The following DLGAP2 variants were observed in gnomAD, a reference collection of about 807,000 sequenced individuals.
The protein encoded by DLGAP2 is disks large-associated protein 2.
In DLGAP2, 26 loss-of-function variants were observed where a neutral mutation model predicts 100.3. That is an observed-to-expected ratio of 0.26 (90% CI 0.19 to 0.36). The LOEUF (loss-of-function observed/expected upper bound fraction) is 0.36, where lower values mean the gene tolerates loss of function less well. DLGAP2 is among the 10% of genes least tolerant of loss of function. DLGAP2 has a pLI of 1.00. For missense variants in DLGAP2, 1,858 were observed against 1,453.2 expected (o/e 1.28, Z -4.53); for synonymous variants, 886 against 630.1 (o/e 1.41, Z -6.08).
intron 3 of DLGAP2, among the ~76,000 whole-genome samples, chr8:1,465,057 A>G (rs534345603): frequency 5.1e-4 from 77 of 152,350 alleles, no homozygotes; most frequent in African/African-American, 1.9e-3. Flanking sequence ...CCAGCTCTGC[A>G]GGGGTCACCA....
intron 10 of DLGAP2, among the ~76,000 whole-genome samples, chr8:1,675,340 C>G (rs1189539028): frequency 6.6e-6 from 1 of 152,254 alleles, no homozygotes; most frequent in African/African-American, 2.4e-5. Flanking sequence ...AAGTCACCCC[C>G]CTCCTCTGAT....
intron 1 of DLGAP2, among the ~76,000 whole-genome samples, chr8:892,502 C>G (rs1295070425): frequency 6.6e-6 from 1 of 152,154 alleles, no homozygotes; most frequent in Non-Finnish European, 1.5e-5. Flanking sequence ...GCTGCAGATT[C>G]ATAGAGGCAG....
chr8:1,351,729 G>C (rs1273920711), intron 3 of DLGAP2, among the ~76,000 whole-genome samples: 1 of 70,532 alleles, frequency 1.4e-5, no homozygotes. Flanking sequence ...TCCTGAGTGT[G>C]TGTGGAAAGG....
chr8:1,487,409 A>C (rs2130267826), intron 3 of DLGAP2, among the ~76,000 whole-genome samples: 1 of 152,354 alleles, frequency 6.6e-6, no homozygotes, highest in Middle Eastern at 3.4e-3. Flanking sequence ...GCTTTCATTT[A>C]GAAAATGAGA....
chr8:1,373,329 C>G (rs1802295878), intron 3 of DLGAP2, among the ~76,000 whole-genome samples: 1 of 151,842 alleles, frequency 6.6e-6, no homozygotes, highest in Admixed American at 6.6e-5. Context: ...CGGGCGGGCC[C>G]TTCCGGAGGC....
At chr8:751,916 A>T (rs558722044) in intron 1 of DLGAP2, among the ~76,000 whole-genome samples, 3 of 150,598 alleles carry the variant, frequency 2.0e-5, no homozygotes, top group African/African-American at 5.0e-5. Context: ...GTAAGTCCTT[A>T]TAGGAAGTTC....
At chr8:1,660,557 G>A (rs908158992) in intron 8 of DLGAP2, among the ~76,000 whole-genome samples, 2 of 152,146 alleles carry the variant, frequency 1.3e-5, no homozygotes, top group African/African-American at 4.8e-5. Context: ...CTGCATACCT[G>A]GAAGTTTTTA....
At chr8:1,678,747 A>G (rs1455662622) in intron 12 of DLGAP2, 118 bp downstream of exon 12, 2 of 1,160,548 alleles carry the variant, frequency 1.7e-6, no homozygotes. Flanking sequence ...GAAGGGAAAT[A>G]AATGTGCTTT....
Position 1,534,931 on chromosome 8 carries a change from A to G in DLGAP2, c.173-13695A>G, listed in dbSNP as rs557001021. The stretch of plus-strand genomic sequence containing the variant: ...CTAAATATTAGCTGAGATTGTGTTG[A>G]ATGGATGAAATCTTCTTGGCCAGCT... On this transcript the variant is annotated intron_variant, in intron 4 of 14. Coordinates refer to ENST00000637795, the MANE Select transcript of DLGAP2 (RefSeq NM_001346810.2). Among the ~76,000 whole-genome samples, 6 of 152,394 alleles carry G rather than the reference A, an allele frequency of 3.9e-5. No homozygotes were observed. In the South Asian group the frequency reaches 1.2e-3, roughly 32 times the overall value.
chr8:948,288 A>G (rs1270970523), intron 2 of DLGAP2, among the ~76,000 whole-genome samples: 2 of 152,202 alleles, frequency 1.3e-5, no homozygotes. Flanking sequence ...CTGTGATGCC[A>G]CTGGCCTCGA....
At chr8:1,042,346 G>T (rs1179419498) in intron 2 of DLGAP2, among the ~76,000 whole-genome samples, 1 of 152,208 alleles carries the variant, frequency 6.6e-6, no homozygotes, top group Admixed American at 6.5e-5. Flanking sequence ...AAGCAGATCT[G>T]TGGGGCTTCC....
chr8:1,005,291 C>A (rs1417754123), intron 2 of DLGAP2, among the ~76,000 whole-genome samples: 5 of 152,058 alleles, frequency 3.3e-5, no homozygotes, highest in Non-Finnish European at 7.4e-5. Context: ...CCTGTGACTT[C>A]TACTCAGAAA....
intron 2 of DLGAP2, among the ~76,000 whole-genome samples, chr8:1,221,816 T>G (rs1458873723): frequency 6.6e-6 from 1 of 152,196 alleles, no homozygotes; most frequent in African/African-American, 2.4e-5. Flanking sequence ...CTTCCTTTAT[T>G]TTTGTGTGCC....
At chr8:932,838 A>C (rs934743864) in intron 2 of DLGAP2, among the ~76,000 whole-genome samples, 1 of 152,232 alleles carries the variant, frequency 6.6e-6, no homozygotes, top group Non-Finnish European at 1.5e-5. Flanking sequence ...ATTTCTTAAG[A>C]TGAAGAAATG....
intron 3 of DLGAP2, among the ~76,000 whole-genome samples, chr8:1,377,525 T>C (rs140328539): frequency 9.2e-5 from 14 of 152,148 alleles, no homozygotes; most frequent in African/African-American, 3.1e-4. Flanking sequence ...GCCCGGGCGA[T>C]AGAGCGAGAC....
chr8:889,792 C>G (rs1259996129), intron 1 of DLGAP2, among the ~76,000 whole-genome samples: 1 of 152,186 alleles, frequency 6.6e-6, no homozygotes, highest in Non-Finnish European at 1.5e-5. Context: ...GCTGGTCACC[C>G]CTCCCCCCAG....
intron 2 of DLGAP2, among the ~76,000 whole-genome samples, chr8:1,091,455 T>C (rs2129041592): frequency 6.6e-6 from 1 of 152,290 alleles, no homozygotes; most frequent in East Asian, 1.9e-4. Context: ...CTTAATAAAG[T>C]TACAAAGAGA....
chr8:853,791 A>G (rs749829117), intron 1 of DLGAP2, among the ~76,000 whole-genome samples: 5 of 152,310 alleles, frequency 3.3e-5, no homozygotes, highest in East Asian at 1.9e-4. Flanking sequence ...CCAGGGCATT[A>G]CAGAAACAAG....
At chr8:1,621,771 G>A (rs976806140) in intron 6 of DLGAP2, 2 of 152,174 alleles carry the variant, frequency 1.3e-5, no homozygotes, top group East Asian at 1.9e-4. Flanking sequence ...CAAGGGTATG[G>A]CGTTTCCGAG....
Sources: gnomAD v4.1 joint callset for allele counts (sites outside exome capture counted in the v4.1 genomes callset) on GRCh38, gnomAD v4.1.1 for gene constraint, MANE v1.5 for transcripts, NCBI Gene and HGNC (gene_info 2026-07-23, HGNC 2026-07-21) for gene names.